Variants in RPL7L1 observed in about 807,000 individuals in gnomAD.
RPL7L1 encodes ribosomal protein L7 like 1.
A neutral mutation model predicts 30.3 loss-of-function variants in RPL7L1; 20 were observed. That is an observed-to-expected ratio of 0.66 (90% CI 0.46 to 0.96). RPL7L1 has a LOEUF of 0.96. Among genes scored for constraint, RPL7L1 ranks in the 40% least tolerant of loss-of-function variants. The probability of loss-of-function intolerance (pLI) is 0.00; values close to 1 mark genes in which losing one functional copy is unlikely to be tolerated. For synonymous variants in RPL7L1, 107 were observed against 110.1 expected, an observed-to-expected ratio of 0.97 and a Z score of 0.18; for missense variants, 271 against 314.9, an observed-to-expected ratio of 0.86 and a Z score of 1.05.
intron 4 of RPL7L1, 75 bp from the exon 5 acceptor site, chr6:42,885,899 C>G: frequency 2.9e-6 from 2 of 701,112 alleles, no homozygotes; most frequent in Non-Finnish European, 5.1e-6. Flanking sequence ...CCTCTCCAAC[C>G]TCTCAGCCAG....
chr6:42,884,698 AC>A lies in RPL7L1; in HGVS notation c.403del (p.Gln135ArgfsTer3), dbSNP rs1188486343. ...KIFSGVFVKV[T>X]PQNLKMLRIV... ...TTTTAGTGGTGTCTTTGTAAAAGTCACCCCCCAGAATCTAAAAATGCTGCGT... is the reference window on the plus strand; with the variant it reads ...TTTTAGTGGTGTCTTTGTAAAAGTCACCCCCAGAATCTAAAAATGCTGCGT... On this transcript the variant is annotated frameshift_variant, in exon 4 of 6. Coordinates refer to ENST00000493763, the MANE Select transcript of RPL7L1 (RefSeq NM_001366481.3). LOFTEE classifies it high-confidence loss of function. 1.2e-6 allele frequency: 2 copies of A among 1,613,392 alleles called. No homozygotes were observed. The highest frequency in any genetic ancestry group is 3.3e-5 in the Admixed American group (2 of 59,904).
rs750993394 is a variant in RPL7L1, at chr6:42,886,064, A to C, written c.540A>C (p.Thr180=). 1.9e-6 allele frequency: 3 copies of C among 1,598,574 alleles called. No homozygotes were observed. In the East Asian group the frequency reaches 6.7e-5, roughly 36 times the overall value. Residue 180 remains threonine, a synonymous_variant, in exon 5 of 6, where the codon ACA becomes ACC. Transcript: ENST00000493763. ...AGACCATCCCTCTGACAGACAATAC[A>C]GTGATTGAGGAGCACCTGGGTGAGT... The part of the protein sequence containing the change: ...KNKTIPLTDN[T]VIEEHLGKFG...
intron 5 of RPL7L1, 77 bp downstream of exon 5, chr6:42,886,160 AT>A: frequency 7.2e-7 from 1 of 1,388,114 alleles, no homozygotes; most frequent in Non-Finnish European, 1.0e-6. Flanking sequence ...TTCAGGTTGT[AT>A]TCTTCTTGGG....
In RPL7L1 at chr6:42,886,612, G is replaced by A; in HGVS notation, c.*148G>A. On this transcript the variant is annotated 3_prime_UTR_variant, in exon 6 of 6. Transcript: ENST00000493763. ...TAGAGGAGGCTGGTACAAATAGATG[G>A]AGACCTGCTGGGATCAGTGAATGCC... The A allele has an allele frequency of 1.6e-6, 1 of 622,694 alleles. No homozygotes were observed. The highest frequency in any genetic ancestry group is 1.9e-5 in the South Asian group (1 of 52,704). 38.6% of individuals were successfully genotyped at this position (622,694 alleles called of 1,614,324 possible).
intron 5 of RPL7L1, 54 bp from the exon 6 acceptor site, chr6:42,886,202 A>G: frequency 6.6e-7 from 1 of 1,510,166 alleles, no homozygotes; most frequent in African/African-American, 1.4e-5. Flanking sequence ...TGGCCAGCTT[A>G]GTATATGCTG....
At position 42,880,847 on chromosome 6, in the gene RPL7L1, A is replaced by T; in HGVS notation, c.42-14A>T. On this transcript the variant is annotated splice_polypyrimidine_tract_variant and intron_variant, in intron 1 of 5. Coordinates refer to ENST00000493763, the MANE Select transcript of RPL7L1 (RefSeq NM_001366481.3). ...TTTCTAAATGTTATCTCTGATCTCA[A>T]TTTTCTGCATCAGGCAAAGAAAAAT... 1 of 1,479,538 alleles carries T rather than the reference A, an allele frequency of 6.8e-7. No homozygotes were observed. Among genetic ancestry groups the T allele is most frequent in the Non-Finnish European group, 9.4e-7 (1 of 1,059,928 alleles). 91.7% of individuals were successfully genotyped at this position (1,479,538 alleles called of 1,614,324 possible).
In RPL7L1 at chr6:42,886,574, A is replaced by C. The variant is rs2114088287; in HGVS notation, c.*110A>C. 1.5e-6 allele frequency: 1 copy of C among 679,938 alleles called. No homozygotes were observed. The highest frequency in any genetic ancestry group is 2.7e-5 in the East Asian group (1 of 37,030). 42.1% of individuals were successfully genotyped at this position (679,938 alleles called of 1,614,324 possible). A position where few individuals can be genotyped will look rare whatever the true frequency, so the allele number is the denominator to read the frequency against. On this transcript the variant is annotated 3_prime_UTR_variant, in exon 6 of 6. Coordinates refer to ENST00000493763, the MANE Select transcript of RPL7L1 (RefSeq NM_001366481.3). Reference sequence around the variant, plus strand: ...TTACTAGTATTTAAGAGTAACCTTGAGATTGGGAGGAATAGAGGAGGCTGG... The same window carrying C: ...TTACTAGTATTTAAGAGTAACCTTGCGATTGGGAGGAATAGAGGAGGCTGG...
At chr6:42,880,080 G>T (rs1232785578) in intron 1 of RPL7L1, 129 bp downstream of exon 1, 2 of 959,994 alleles carry the variant, frequency 2.1e-6, no homozygotes, top group Non-Finnish European at 1.7e-6. Context: ...TACAAAGGGT[G>T]GGGGTGAGGA....
At chr6:42,885,822 C>G in intron 4 of RPL7L1, 152 bp from the exon 5 acceptor site, 1 of 582,366 alleles carries the variant, frequency 1.7e-6, no homozygotes, top group Non-Finnish European at 3.1e-6. Flanking sequence ...GGAGTATTTC[C>G]AAGCATTTCA....
Position 42,880,860 on chromosome 6 carries a change from G to A in RPL7L1, c.42-1G>A, listed in dbSNP as rs759663111. 10 of 1,568,456 alleles carry A rather than the reference G, an allele frequency of 6.4e-6. No individual in the cohort carries two copies. The highest frequency in any genetic ancestry group is 8.8e-6 in the Non-Finnish European group (10 of 1,140,162). ...TCTCTGATCTCAATTTTCTGCATCA[G>A]GCAAAGAAAAATCCCTTTGGTTCCA... On this transcript the variant is annotated splice_acceptor_variant, in intron 1 of 5. Transcript: ENST00000493763. LOFTEE classifies it high-confidence loss of function.
rs1324950515 is a variant in RPL7L1 at position 42,889,456 on chromosome 6, A to T, written c.*2992A>T. 1 of 152,564 alleles carries T rather than the reference A, an allele frequency of 6.6e-6. No homozygotes were observed. The highest frequency in any genetic ancestry group is 1.5e-5 in the Non-Finnish European group (1 of 68,092). The allele number at this position is 152,564 out of a possible 1,614,324, so 9.5% of individuals were successfully genotyped here. A position where few individuals can be genotyped will look rare whatever the true frequency, so the allele number is the denominator to read the frequency against. ...AACTCTGTCTCAAAAAAAAAAAAAA[A>T]AAAAGTGCCAGCGTATGAGGTAATT... is the stretch of plus-strand genomic sequence containing the variant. On this transcript the variant is annotated 3_prime_UTR_variant, in exon 6 of 6. Coordinates refer to ENST00000493763, the MANE Select transcript of RPL7L1 (RefSeq NM_001366481.3).
At chr6:42,883,267 C>T (rs995585799) in intron 2 of RPL7L1, 184 bp from the exon 3 acceptor site, 39 of 441,718 alleles carry the variant, frequency 8.8e-5, no homozygotes, top group Non-Finnish European at 1.5e-4. Flanking sequence ...TCCCAAGTTT[C>T]CTCAACTCCA....
intron 4 of RPL7L1, among the ~76,000 whole-genome samples, chr6:42,885,114 G>A (rs1440802153): frequency 6.6e-6 from 1 of 152,110 alleles, no homozygotes; most frequent in Non-Finnish European, 1.5e-5. Context: ...TGGATCACAC[G>A]GTCAGGAGTG....
At chr6:42,880,007 C>T in intron 1 of RPL7L1, 56 bp downstream of exon 1, 1 of 1,560,202 alleles carries the variant, frequency 6.4e-7, no homozygotes, top group Non-Finnish European at 8.8e-7. Flanking sequence ...CCGGTGCCAT[C>T]CACGGTGTTT....
chr6:42,880,057 A>G lies in RPL7L1; in HGVS notation c.41+106A>G. On this transcript the variant is annotated intron_variant, in intron 1 of 5. Coordinates refer to ENST00000493763, the MANE Select transcript of RPL7L1 (RefSeq NM_001366481.3). ...GATTCCTGTGGGCTCTAGGAATAGA[A>G]AAGGCCACAGTTTACAAAGGGTGGG... 7.0e-6 allele frequency: 8 copies of G among 1,147,080 alleles called. No homozygotes were observed. In the South Asian group the frequency reaches 9.9e-5, roughly 14 times the overall value. 71.1% of individuals were successfully genotyped at this position (1,147,080 alleles called of 1,614,324 possible). A position where few individuals can be genotyped will look rare whatever the true frequency, so the allele number is the denominator to read the frequency against.
rs1766002620 is a variant in RPL7L1 at position 42,879,848 on chromosome 6, C to A, written c.-63C>A. The stretch of plus-strand genomic sequence containing the variant: ...ACTGGTCCTCCAGCGTGAGCTAGAA[C>A]AGACGTCTCTATGGTCAAGTAAACA... On this transcript the variant is annotated 5_prime_UTR_variant, in exon 1 of 6. Transcript: ENST00000493763. 1.6e-5 allele frequency: 25 copies of A among 1,567,826 alleles called. No homozygotes were observed. The highest frequency in any genetic ancestry group is 2.2e-5 in the Non-Finnish European group (25 of 1,139,762).
In RPL7L1 at chr6:42,887,237, C is replaced by T. The variant is rs1391542293; in HGVS notation, c.*773C>T. ...TTTGGAAATTTTTATCAAGTATCTTCAGAGAAGATTATTTCCTGCTTTATC... is the reference window on the plus strand; with the variant it reads ...TTTGGAAATTTTTATCAAGTATCTTTAGAGAAGATTATTTCCTGCTTTATC... On this transcript the variant is annotated 3_prime_UTR_variant, in exon 6 of 6. Coordinates refer to ENST00000493763, the MANE Select transcript of RPL7L1 (RefSeq NM_001366481.3). 1 of 152,084 alleles carries T rather than the reference C, an allele frequency of 6.6e-6. No homozygotes were observed. The highest frequency in any genetic ancestry group is 6.6e-5 in the Admixed American group (1 of 15,262). 9.4% of individuals were successfully genotyped at this position (152,084 alleles called of 1,614,324 possible). A position where few individuals can be genotyped will look rare whatever the true frequency, so the allele number is the denominator to read the frequency against.
At chr6:42,880,419 G>C (rs1437836977) in intron 1 of RPL7L1, 1 of 217,690 alleles carries the variant, frequency 4.6e-6, no homozygotes, top group Non-Finnish European at 9.4e-6. Context: ...GGTTTCAGGG[G>C]AATCTTTCTT....
intron 2 of RPL7L1, chr6:42,881,557 C>T (rs1318795754): frequency 6.6e-6 from 1 of 152,042 alleles, no homozygotes; most frequent in African/African-American, 2.4e-5. Flanking sequence ...CTCTGGATTG[C>T]TTAATAGCTT....
Sources: allele counts gnomAD v4.1 joint callset (sites outside exome capture counted in the v4.1 genomes callset), GRCh38; gene constraint gnomAD v4.1.1; transcripts MANE v1.5; gene names NCBI Gene and HGNC (gene_info 2026-07-23, HGNC 2026-07-21).